Variants in THUMPD2 observed in about 807,000 individuals in gnomAD.
THUMPD2 encodes U6 snRNA (guanine-N(2))-methyltransferase THUMPD2.
A neutral mutation model predicts 49.4 loss-of-function variants in THUMPD2; 56 were observed. The observed-to-expected ratio is 1.13, with a 90% CI of 0.91 to 1.41. The LOEUF is 1.41. Among genes scored for constraint, THUMPD2 ranks in the 40% most tolerant of loss-of-function variants. The pLI, the probability that THUMPD2 is intolerant of heterozygous loss-of-function variation, is 0.00. For missense variants in THUMPD2, 709 were observed against 594.5 expected, an observed-to-expected ratio of 1.19 and a Z score of -2.00; for synonymous variants, 237 against 205.2, an observed-to-expected ratio of 1.15 and a Z score of -1.32.
chr2:39,757,007 G>A (rs776773042), intron 6 of THUMPD2, among the ~76,000 whole-genome samples: 10 of 151,768 alleles, frequency 6.6e-5, no homozygotes, highest in East Asian at 5.8e-4. Context: ...GTATGACAAG[G>A]TCTAGGATGT....
At chr2:39,750,538 C>G (rs1038605512) in intron 8 of THUMPD2, among the ~76,000 whole-genome samples, 36 of 152,044 alleles carry the variant, frequency 2.4e-4, no homozygotes, top group Non-Finnish European at 7.4e-5. Flanking sequence ...GAAACCTTGT[C>G]TTTACTAAAA....
chr2:39,754,753 G>A (rs571978343), intron 8 of THUMPD2, among the ~76,000 whole-genome samples: 13 of 152,282 alleles, frequency 8.5e-5, no homozygotes, highest in African/African-American at 2.9e-4. Flanking sequence ...ACAGGGTACT[G>A]TTTTCCCTCT....
intron 3 of THUMPD2, chr2:39,769,167 C>T (rs929218990): frequency 2.7e-6 from 3 of 1,109,700 alleles, no homozygotes; most frequent in Non-Finnish European, 3.6e-6. Flanking sequence ...ACTATGGTAT[C>T]AGGATTTCCA....
intron 5 of THUMPD2, among the ~76,000 whole-genome samples, chr2:39,765,200 C>A (rs1192623145): frequency 1.3e-5 from 2 of 152,110 alleles, no homozygotes; most frequent in Admixed American, 1.3e-4. Flanking sequence ...CACTCTGTCA[C>A]CCACGCTGGA....
intron 8 of THUMPD2, among the ~76,000 whole-genome samples, chr2:39,749,338 A>G (rs1310413394): frequency 2.6e-5 from 4 of 152,240 alleles, no homozygotes; most frequent in Non-Finnish European, 5.9e-5. Flanking sequence ...ATGTGATGAT[A>G]TTGATACAAA....
At chr2:39,764,068 C>G (rs1051329291) in intron 5 of THUMPD2, among the ~76,000 whole-genome samples, 3 of 152,204 alleles carry the variant, frequency 2.0e-5, no homozygotes, top group African/African-American at 7.2e-5. Context: ...ATGCGGCATA[C>G]ACTTTCTTAT....
chr2:39,776,016 A>T (rs1282145413), intron 1 of THUMPD2, among the ~76,000 whole-genome samples: 1 of 152,094 alleles, frequency 6.6e-6, no homozygotes, highest in Non-Finnish European at 1.5e-5. Flanking sequence ...AACTGACAGG[A>T]CTCTTCTGGT....
At chr2:39,757,640 T>G (rs77150911) in intron 6 of THUMPD2, among the ~76,000 whole-genome samples, 2,397 of 152,296 alleles carry the variant, frequency 0.016, 42 homozygotes, top group East Asian at 0.068. Flanking sequence ...TTACTTTACC[T>G]TAGGACCTTT....
In THUMPD2 at chr2:39,771,513, A is replaced by G; in HGVS notation, c.254T>C (p.Val85Ala). Residue 85 changes from valine to alanine, a missense_variant, in exon 2 of 10, where the codon GTA becomes GCA. Transcript: ENST00000505747. The part of the protein sequence containing the change: ...KKQFPLIISS[V>A]SKGKIFNEMQ... The stretch of plus-strand genomic sequence containing the variant: ...ATATGAATATGCCATACCTTTACTT[A>G]CAGAAGAAATAATAAGTGGAAACTG... 1 of 1,599,856 alleles carries G rather than the reference A, an allele frequency of 6.3e-7. No individual in the cohort carries two copies. The highest frequency in any genetic ancestry group is 1.1e-5 in the South Asian group (1 of 87,412).
rs1196237020 is a variant in THUMPD2 at position 39,755,460 on chromosome 2, T to C, written c.964-51A>G. ...ATAAATAAAATTATTACATATTTCA[T>C]GTAGTTAAGAAAATCGACTTGCATT... On this transcript the variant is annotated intron_variant, in intron 7 of 9. Coordinates refer to ENST00000505747, the MANE Select transcript of THUMPD2 (RefSeq NM_025264.5). The C allele has an allele frequency of 7.2e-6, 9 of 1,250,882 alleles. No individual in the cohort carries two copies. In the East Asian group the frequency reaches 1.9e-4, roughly 27 times the overall value. The allele number at this position is 1,250,882 out of a possible 1,614,324, so 77.5% of individuals were successfully genotyped here. A position where few individuals can be genotyped will look rare whatever the true frequency, so the allele number is the denominator to read the frequency against.
intron 4 of THUMPD2, 58 bp from the exon 5 acceptor site, chr2:39,766,167 G>T: frequency 1.6e-6 from 2 of 1,278,256 alleles, no homozygotes; most frequent in South Asian, 1.5e-5. Context: ...CCAAATTACT[G>T]ACAATTTGAA....
At chr2:39,765,056 T>G (rs1677321424) in intron 5 of THUMPD2, among the ~76,000 whole-genome samples, 1 of 152,144 alleles carries the variant, frequency 6.6e-6, no homozygotes, top group Non-Finnish European at 1.5e-5. Context: ...AGCACAAAAT[T>G]AAGCATTTTT....
In THUMPD2 at chr2:39,736,997, G is replaced by T. The variant is rs371979440; in HGVS notation, c.1250C>A (p.Thr417Lys). ...AGGGATGTTGCTCTCTTTACAATCT[G>T]TAAGGCGCCTGTGGTGATCTTCACT... Reference protein sequence around the residue: ...LLSEDHHRRLTDCKESNIPFN... With the variant: ...LLSEDHHRRLKDCKESNIPFN... The change falls in exon 10 of 10, where the codon ACA becomes AAA. Residue 417 changes from threonine to lysine, a missense_variant. Transcript: ENST00000505747. 1 of 1,613,958 alleles carries T rather than the reference G, an allele frequency of 6.2e-7. No individual in the cohort carries two copies. The highest frequency in any genetic ancestry group is 2.2e-5 in the East Asian group (1 of 44,870).
chr2:39,752,558 C>T lies in THUMPD2; in HGVS notation c.1078+2737G>A, dbSNP rs1158703593. On this transcript the variant is annotated intron_variant, in intron 8 of 9. Transcript: ENST00000505747. ...CCTCTGAAGTAGGTGCAATAAAGGG[C>T]TAATTATTAGTTAAAATTGGCCCCT... Among the ~76,000 whole-genome samples, 5 of 152,128 alleles carry T rather than the reference C, an allele frequency of 3.3e-5. No individual in the cohort carries two copies. The East Asian group carries it at 7.7e-4, about 23-fold the overall frequency.
At chr2:39,742,816 C>G (rs986646276) in intron 9 of THUMPD2, among the ~76,000 whole-genome samples, 4 of 152,214 alleles carry the variant, frequency 2.6e-5, no homozygotes, top group East Asian at 1.9e-4. Flanking sequence ...TAGCAGGGAT[C>G]AGTATTTTTT....
chr2:39,761,255 T>C lies in THUMPD2; in HGVS notation c.891+76A>G, dbSNP rs568253786. 6.4e-6 allele frequency: 8 copies of C among 1,241,830 alleles called. No homozygotes were observed. The East Asian group carries it at 1.9e-4, about 29-fold the overall frequency. The allele number at this position is 1,241,830 out of a possible 1,614,324, so 76.9% of individuals were successfully genotyped here. The stretch of plus-strand genomic sequence containing the variant: ...AAAGAAAAAGCAAGTAACATAAATA[T>C]CCATCAATAAGAGACTGTATAAGTT... On this transcript the variant is annotated intron_variant, in intron 6 of 9. Coordinates refer to ENST00000505747, the MANE Select transcript of THUMPD2 (RefSeq NM_025264.5).
At chr2:39,751,834 C>T (rs568848711) in intron 8 of THUMPD2, among the ~76,000 whole-genome samples, 7 of 151,890 alleles carry the variant, frequency 4.6e-5, no homozygotes, top group East Asian at 3.9e-4. Context: ...ACAGCCACTA[C>T]GCCTGGCTAA....
chr2:39,754,014 G>C (rs1675776566), intron 8 of THUMPD2, among the ~76,000 whole-genome samples: 1 of 152,038 alleles, frequency 6.6e-6, no homozygotes, highest in Admixed American at 6.6e-5. Context: ...AAATCTTTTA[G>C]AAAATGCCCC....
intron 3 of THUMPD2, chr2:39,769,249 G>GCATA: frequency 2.8e-6 from 1 of 354,550 alleles, no homozygotes; most frequent in Non-Finnish European, 5.4e-6. Context: ...ACTTGGAATG[G>GCATA]CATACCATTC....
Sources: allele counts gnomAD v4.1 joint callset (sites outside exome capture counted in the v4.1 genomes callset), GRCh38; gene constraint gnomAD v4.1.1; transcripts MANE v1.5; gene names NCBI Gene and HGNC (gene_info 2026-07-23, HGNC 2026-07-21).